UBE2E3: variants seen among roughly 807,000 people sequenced by gnomAD.
The protein encoded by UBE2E3 is ubiquitin conjugating enzyme E2 E3.
A neutral mutation model predicts 23.6 loss-of-function variants in UBE2E3; 5 were observed. That is an observed-to-expected ratio of 0.21 (90% CI 0.11 to 0.44). The LOEUF (loss-of-function observed/expected upper bound fraction) is 0.44, where lower values mean the gene tolerates loss of function less well. Among genes scored for constraint, UBE2E3 ranks in the 20% least tolerant of loss-of-function variants. The pLI is 0.99. For missense variants in UBE2E3, 81 were observed against 249.8 expected (o/e 0.32, Z 4.55); for synonymous variants, 78 against 87.5 (o/e 0.89, Z 0.60).
chr2:181,043,763 G>T (rs533441997), intron 3 of UBE2E3, among the ~76,000 whole-genome samples: 4 of 152,060 alleles, frequency 2.6e-5, no homozygotes, highest in Non-Finnish European at 5.9e-5. Context: ...TACACAATAT[G>T]ATTACTGGTG....
chr2:180,983,793 A>G (rs975533052), intron 2 of UBE2E3, among the ~76,000 whole-genome samples: 1 of 152,228 alleles, frequency 6.6e-6, no homozygotes, highest in African/African-American at 2.4e-5. Context: ...GTACTAGTGG[A>G]TGAGTATTTC....
At chr2:181,042,811 T>C (rs1686556279) in intron 3 of UBE2E3, among the ~76,000 whole-genome samples, 1 of 152,338 alleles carries the variant, frequency 6.6e-6, no homozygotes, top group African/African-American at 2.4e-5. Flanking sequence ...TAGTAGGAGC[T>C]GTCAGCTTCA....
At chr2:180,986,611 A>T (rs1684478937) in intron 3 of UBE2E3, among the ~76,000 whole-genome samples, 1 of 152,156 alleles carries the variant, frequency 6.6e-6, no homozygotes, top group South Asian at 2.1e-4. Flanking sequence ...TGCTATAATT[A>T]AAAATGGAAT....
chr2:181,050,403 C>T (rs1402657236), intron 3 of UBE2E3, among the ~76,000 whole-genome samples: 4 of 151,776 alleles, frequency 2.6e-5, no homozygotes, highest in African/African-American at 4.8e-5. Flanking sequence ...TTTTGTTCAA[C>T]GGGATTCTCT....
At chr2:181,020,083 G>A (rs1192950866) in intron 3 of UBE2E3, among the ~76,000 whole-genome samples, 1 of 152,064 alleles carries the variant, frequency 6.6e-6, no homozygotes, top group Non-Finnish European at 1.5e-5. Flanking sequence ...CTGTTTTTGT[G>A]GGAAGGTTGA....
intron 3 of UBE2E3, among the ~76,000 whole-genome samples, chr2:181,054,390 T>C (rs1686929671): frequency 6.6e-6 from 1 of 151,480 alleles, no homozygotes; most frequent in Admixed American, 6.6e-5. Flanking sequence ...CTCCACATTT[T>C]CTTCAGCATT....
chr2:181,021,357 CTTT>C (rs5836764), intron 3 of UBE2E3, among the ~76,000 whole-genome samples: 4 of 144,972 alleles, frequency 2.8e-5, no homozygotes, highest in Non-Finnish European at 4.6e-5. Flanking sequence ...CTTTTCTCTT[CTTT>C]TTTTTTTGTT....
intron 3 of UBE2E3, among the ~76,000 whole-genome samples, chr2:180,998,832 A>G (rs992062198): frequency 7.2e-5 from 11 of 152,190 alleles, no homozygotes; most frequent in African/African-American, 2.4e-4. Flanking sequence ...AAAATCGTCA[A>G]CGGCAGTTCC....
intron 3 of UBE2E3, among the ~76,000 whole-genome samples, chr2:181,004,942 A>G (rs565075455): frequency 2.0e-5 from 3 of 152,352 alleles, no homozygotes; most frequent in Admixed American, 2.0e-4. Flanking sequence ...ATTTTAAGTA[A>G]AACCCAAAAC....
chr2:180,986,353 A>G (rs1684469181), intron 3 of UBE2E3, among the ~76,000 whole-genome samples: 1 of 152,150 alleles, frequency 6.6e-6, no homozygotes, highest in Admixed American at 6.5e-5. Context: ...AAATATCCAG[A>G]TACTTTGTCT....
At chr2:180,988,443 A>G (rs1684548903) in intron 3 of UBE2E3, among the ~76,000 whole-genome samples, 1 of 152,228 alleles carries the variant, frequency 6.6e-6, no homozygotes, top group African/African-American at 2.4e-5. Context: ...AGGAACATGC[A>G]TAAGATTAAT....
chr2:181,001,967 G>A (rs1219979716), intron 3 of UBE2E3, among the ~76,000 whole-genome samples: 1 of 152,126 alleles, frequency 6.6e-6, no homozygotes, highest in East Asian at 1.9e-4. Context: ...TTTAATAATG[G>A]AAGTTTACAA....
chr2:181,014,130 A>G (rs988230904), intron 3 of UBE2E3, among the ~76,000 whole-genome samples: 3 of 152,198 alleles, frequency 2.0e-5, no homozygotes, highest in Non-Finnish European at 4.4e-5. Flanking sequence ...TTTCTGACGT[A>G]AGTATTAAAT....
chr2:180,982,382 T>C, intron 2 of UBE2E3, 146 bp downstream of exon 2: 1 of 758,978 alleles, frequency 1.3e-6, no homozygotes, highest in Admixed American at 2.8e-5. Context: ...GTTGTCATTC[T>C]TTAGGTGGTA....
At chr2:181,026,564 A>G (rs775454060) in intron 3 of UBE2E3, among the ~76,000 whole-genome samples, 4 of 151,674 alleles carry the variant, frequency 2.6e-5, no homozygotes, top group South Asian at 4.2e-4. Context: ...AGGCTGAGGA[A>G]ACAGAAAGTG....
rs543079713 is a variant in UBE2E3, at chr2:181,052,279, G to T, written c.246-5414G>T. ...AAAATACTTTGCAGGGGTGTCCAGG[G>T]GAAAGAATACAGTCGTAGGTTCTTG... is the stretch of plus-strand genomic sequence containing the variant. On this transcript the variant is annotated intron_variant, in intron 3 of 5. Transcript: ENST00000410062. Among the ~76,000 whole-genome samples, 8 of 151,884 alleles carry T rather than the reference G, an allele frequency of 5.3e-5. No individual in the cohort carries two copies. The East Asian group carries it at 1.6e-3, about 30-fold the overall frequency.
chr2:181,020,388 A>G (rs575672880), intron 3 of UBE2E3, among the ~76,000 whole-genome samples: 1 of 152,280 alleles, frequency 6.6e-6, no homozygotes, highest in East Asian at 1.9e-4. Context: ...ACTCTGGTAT[A>G]ACCTCATCTT....
intron 3 of UBE2E3, among the ~76,000 whole-genome samples, chr2:181,050,154 A>C (rs1407040595): frequency 2.0e-5 from 3 of 151,908 alleles, no homozygotes; most frequent in Non-Finnish European, 4.4e-5. Flanking sequence ...AAAAGAATCC[A>C]CTTCTTTACA....
chr2:180,990,093 A>G (rs917597136), intron 3 of UBE2E3: 1 of 1,055,160 alleles, frequency 9.5e-7, no homozygotes, highest in Non-Finnish European at 1.3e-6. Flanking sequence ...GGAAGCTGAA[A>G]CATCTTCAAA....
Sources: gnomAD v4.1 joint callset for allele counts (sites outside exome capture counted in the v4.1 genomes callset) on GRCh38, gnomAD v4.1.1 for gene constraint, MANE v1.5 for transcripts, NCBI Gene and HGNC (gene_info 2026-07-23, HGNC 2026-07-21) for gene names.